The following ME3 variants were observed in gnomAD, a reference collection of about 807,000 sequenced individuals.
ME3 encodes malic enzyme 3.
In ME3, 48 loss-of-function variants were observed where a neutral mutation model predicts 68.9. That is an observed-to-expected ratio of 0.70 (90% CI 0.55 to 0.89). The LOEUF is 0.89. Among genes scored for constraint, ME3 ranks in the 40% least tolerant of loss-of-function variants. The probability of loss-of-function intolerance (pLI) is 0.00; values close to 1 mark genes in which losing one functional copy is unlikely to be tolerated. For synonymous variants in ME3, 320 were observed against 318.8 expected (o/e 1.00, Z -0.04); for missense variants, 675 against 797.4 (o/e 0.85, Z 1.85).
At chr11:86,443,757 C>T (rs1949135552) in intron 13 of ME3, among the ~76,000 whole-genome samples, 1 of 152,226 alleles carries the variant, frequency 6.6e-6, no homozygotes, top group African/African-American at 2.4e-5. Context: ...GCCTCCCTCT[C>T]TACCTCCTTC....
chr11:86,576,563 C>T (rs530623280), intron 2 of ME3, among the ~76,000 whole-genome samples: 56 of 152,334 alleles, frequency 3.7e-4, no homozygotes, highest in African/African-American at 1.3e-3. Context: ...TCAGCTCTTG[C>T]ACTGTCCCCT....
chr11:86,671,691 AG>A, intron 2 of ME3, 70 bp downstream of exon 2: 3 of 1,570,464 alleles, frequency 1.9e-6, no homozygotes, highest in Admixed American at 1.8e-5. Flanking sequence ...TTCTGGGTCC[AG>A]GGGGCGGGGC....
intron 2 of ME3, among the ~76,000 whole-genome samples, chr11:86,589,018 G>A (rs1958900358): frequency 6.6e-6 from 1 of 152,192 alleles, no homozygotes; most frequent in African/African-American, 2.4e-5. Context: ...TAACGGCTGA[G>A]CTCGAAGGCC....
chr11:86,470,184 G>T (rs535494539), intron 7 of ME3, among the ~76,000 whole-genome samples: 11 of 152,104 alleles, frequency 7.2e-5, no homozygotes, highest in Non-Finnish European at 1.5e-4. Context: ...CCTCTTTCAA[G>T]CCTGAACAAA....
intron 13 of ME3, among the ~76,000 whole-genome samples, chr11:86,444,398 G>T (rs1336729987): frequency 6.6e-6 from 1 of 152,144 alleles, no homozygotes; most frequent in African/African-American, 2.4e-5. Flanking sequence ...ACTTTATCCT[G>T]TATGCACCAA....
At chr11:86,441,278 C>T (rs373198434) in exon 15 of ME3, 8 of 1,595,198 alleles carry the variant, frequency 5.0e-6, no homozygotes, top group Non-Finnish European at 6.8e-6. Context: ...CTGAGACTGC[C>T]TCAGACCGTC....
At chr11:86,469,031 T>G (rs1459352107) in intron 7 of ME3, among the ~76,000 whole-genome samples, 3 of 152,148 alleles carry the variant, frequency 2.0e-5, no homozygotes, top group Non-Finnish European at 4.4e-5. Context: ...AGAACCAGCT[T>G]CAGTTTAATT....
chr11:86,473,420 C>G (rs2138809484), intron 7 of ME3, among the ~76,000 whole-genome samples: 2 of 152,186 alleles, frequency 1.3e-5, no homozygotes, highest in South Asian at 4.2e-4. Context: ...TCACAAATTT[C>G]AAGAAGCTTG....
intron 4 of ME3, among the ~76,000 whole-genome samples, chr11:86,521,779 A>G (rs753195330): frequency 1.3e-5 from 2 of 152,232 alleles, no homozygotes; most frequent in Non-Finnish European, 2.9e-5. Flanking sequence ...TACATTTTCT[A>G]GGTGTCTACT....
At chr11:86,593,840 A>G (rs554054907) in intron 2 of ME3, among the ~76,000 whole-genome samples, 24 of 146,860 alleles carry the variant, frequency 1.6e-4, no homozygotes, top group African/African-American at 5.0e-4. Flanking sequence ...ATTAAAAAAC[A>G]GAAAAACACA....
At chr11:86,562,537 C>A (rs755379589) in intron 2 of ME3, among the ~76,000 whole-genome samples, 1 of 152,172 alleles carries the variant, frequency 6.6e-6, no homozygotes, top group African/African-American at 2.4e-5. Context: ...TGCTCTACAT[C>A]CTCTCCAGCA....
At chr11:86,653,407 A>T (rs1381670151) in intron 2 of ME3, among the ~76,000 whole-genome samples, 1 of 152,264 alleles carries the variant, frequency 6.6e-6, no homozygotes, top group Non-Finnish European at 1.5e-5. Flanking sequence ...CTCAGACCAC[A>T]GTGCAATCAA....
At chr11:86,604,624 G>A (rs1429716310) in intron 2 of ME3, among the ~76,000 whole-genome samples, 4 of 152,068 alleles carry the variant, frequency 2.6e-5, no homozygotes, top group Non-Finnish European at 4.4e-5. Context: ...CTTTACATAG[G>A]TTTATATCTA....
chr11:86,640,339 C>G (rs56056120), intron 2 of ME3, among the ~76,000 whole-genome samples: 14,392 of 152,236 alleles, frequency 0.095, 699 homozygotes, highest in South Asian at 0.13. Flanking sequence ...TTTTCCAAGG[C>G]TAGGCAGCCT....
At chr11:86,478,237 G>A (rs1366715471) in intron 7 of ME3, among the ~76,000 whole-genome samples, 2 of 143,246 alleles carry the variant, frequency 1.4e-5, no homozygotes, top group Non-Finnish European at 3.0e-5. Context: ...ATCTATAAAG[G>A]CCATCCACGC....
intron 2 of ME3, among the ~76,000 whole-genome samples, chr11:86,633,635 T>C (rs1938928): frequency 0.13 from 19,522 of 152,130 alleles, 1,728 homozygotes; most frequent in East Asian, 0.4. Flanking sequence ...CTCTCATGGG[T>C]GTCTTGGCTG....
intron 5 of ME3, among the ~76,000 whole-genome samples, chr11:86,503,054 T>C (rs918263596): frequency 6.6e-6 from 1 of 152,166 alleles, no homozygotes; most frequent in Non-Finnish European, 1.5e-5. Flanking sequence ...CCTCCTCTTC[T>C]TCTGCTTCTC....
intron 2 of ME3, among the ~76,000 whole-genome samples, chr11:86,636,071 G>C (rs1022118416): frequency 1.3e-5 from 2 of 152,164 alleles, no homozygotes; most frequent in African/African-American, 2.4e-5. Context: ...AGCCTACAAG[G>C]GTCCTAGAAA....
At chr11:86,578,408 A>G (rs976627052) in intron 2 of ME3, among the ~76,000 whole-genome samples, 18 of 152,068 alleles carry the variant, frequency 1.2e-4, no homozygotes, top group African/African-American at 3.1e-4. Flanking sequence ...GACCAGAAGG[A>G]AGAAAACAAA....
Sources: allele counts gnomAD v4.1 joint callset (sites outside exome capture counted in the v4.1 genomes callset), GRCh38; gene constraint gnomAD v4.1.1; transcripts MANE v1.5; gene names NCBI Gene and HGNC (gene_info 2026-07-23, HGNC 2026-07-21).